The following FRK variants were observed in gnomAD, a reference collection of about 807,000 sequenced individuals.
FRK encodes tyrosine-protein kinase FRK.
A neutral mutation model predicts 56.4 loss-of-function variants in FRK; 51 were observed. That is an observed-to-expected ratio of 0.90 (90% CI 0.72 to 1.14). The LOEUF (loss-of-function observed/expected upper bound fraction) is 1.14, where lower values mean the gene tolerates loss of function less well. FRK is among the 50% of genes most tolerant of loss of function. FRK has a pLI of 0.00. For missense variants in FRK, 570 were observed against 601.4 expected (o/e 0.95, Z 0.55); for synonymous variants, 245 against 217.9 (o/e 1.12, Z -1.10).
chr6:116,007,801 T>C (rs896083131), intron 1 of FRK, among the ~76,000 whole-genome samples: 1 of 152,134 alleles, frequency 6.6e-6, no homozygotes, highest in African/African-American at 2.4e-5. Context: ...GGCAATTTAA[T>C]GGTTTCAATA....
Position 115,994,584 on chromosome 6 carries a change from T to C in FRK, c.466+9293A>G, listed in dbSNP as rs148478577. Among the ~76,000 whole-genome samples, 35 of 152,162 alleles carry C rather than the reference T, an allele frequency of 2.3e-4. No homozygotes were observed. The East Asian group carries it at 6.2e-3, about 27-fold the overall frequency. On this transcript the variant is annotated intron_variant, in intron 2 of 7. Transcript: ENST00000606080. The stretch of plus-strand genomic sequence containing the variant: ...ACTTTACTGGCATGGCCACTGACAA[T>C]AAGAAACAGAATTTAATACTTTGCA...
chr6:115,983,325 T>A (rs1222458536), intron 2 of FRK, among the ~76,000 whole-genome samples: 1 of 152,102 alleles, frequency 6.6e-6, no homozygotes, highest in Non-Finnish European at 1.5e-5. Context: ...TATCTCCCTC[T>A]ATTGTCAACC....
chr6:116,018,857 A>G (rs1358617230), intron 1 of FRK, among the ~76,000 whole-genome samples: 1 of 152,178 alleles, frequency 6.6e-6, no homozygotes, highest in Non-Finnish European at 1.5e-5. Flanking sequence ...GACCCAGGAA[A>G]GGATTTTAAA....
At chr6:115,951,273 A>G (rs902386282) in intron 5 of FRK, among the ~76,000 whole-genome samples, 2 of 152,198 alleles carry the variant, frequency 1.3e-5, no homozygotes, top group East Asian at 3.8e-4. Flanking sequence ...AAAGAAAAAA[A>G]GTATATACAT....
intron 2 of FRK, among the ~76,000 whole-genome samples, chr6:115,977,214 A>C (rs1466818967): frequency 6.6e-6 from 1 of 152,166 alleles, no homozygotes; most frequent in Non-Finnish European, 1.5e-5. Context: ...ACACATGCTA[A>C]TGTTACACTG....
chr6:115,949,945 T>G (rs765519014), intron 5 of FRK, among the ~76,000 whole-genome samples: 3 of 152,218 alleles, frequency 2.0e-5, no homozygotes, highest in Admixed American at 6.5e-5. Flanking sequence ...GATTCCCTAT[T>G]AAATAAATGT....
chr6:115,931,560 T>C lies in FRK; in HGVS notation c.*10854A>G, dbSNP rs1771958902. On this transcript the variant is annotated 3_prime_UTR_variant, in exon 8 of 8. Transcript: ENST00000606080. ...TGTTTTTAAGAGAAAAATCTCACTG[T>C]GGTAGCTTTAAAGTATACAAATCTG... 1.3e-5 allele frequency: 2 copies of C among 152,164 alleles called. No individual in the cohort carries two copies. Among genetic ancestry groups the C allele is most frequent in the South Asian group, 4.1e-4 (2 of 4,836 alleles). 9.4% of individuals were successfully genotyped at this position (152,164 alleles called of 1,614,324 possible). A position where few individuals can be genotyped will look rare whatever the true frequency, so the allele number is the denominator to read the frequency against.
chr6:115,940,035 A>T lies in FRK; in HGVS notation c.*2379T>A, dbSNP rs1472666834. The T allele has an allele frequency of 6.6e-6, 1 of 152,182 alleles. No homozygotes were observed. Among genetic ancestry groups the T allele is most frequent in the Non-Finnish European group, 1.5e-5 (1 of 68,020 alleles). 9.4% of individuals were successfully genotyped at this position (152,182 alleles called of 1,614,324 possible). A position where few individuals can be genotyped will look rare whatever the true frequency, so the allele number is the denominator to read the frequency against. On this transcript the variant is annotated 3_prime_UTR_variant, in exon 8 of 8. Transcript: ENST00000606080. ...CCGCATAGCCAAGACAATTCTAAGC[A>T]AAAAGAACAAAGTTATAGGCATCAT...
intron 4 of FRK, among the ~76,000 whole-genome samples, chr6:115,959,189 T>G (rs1414662448): frequency 2.0e-5 from 3 of 152,240 alleles, no homozygotes; most frequent in Non-Finnish European, 4.4e-5. Flanking sequence ...CAGCAATAAA[T>G]AGCCGCTCAT....
intron 5 of FRK, among the ~76,000 whole-genome samples, chr6:115,946,928 T>C (rs1772478991): frequency 6.6e-6 from 1 of 152,132 alleles, no homozygotes; most frequent in Non-Finnish European, 1.5e-5. Flanking sequence ...AAGAGCAGTT[T>C]GACTGGAGAT....
chr6:116,039,317 G>A (rs1776622533), intron 1 of FRK: 1 of 1,431,214 alleles, frequency 7.0e-7, no homozygotes, highest in East Asian at 2.3e-5. Context: ...GAGAAGTTCT[G>A]AGAATGGTGT....
At position 115,985,926 on chromosome 6, in the gene FRK, G is replaced by C. The variant is rs189133208; in HGVS notation, c.467-17187C>G. ...GCAAAATCATTATGATTAGAATGCTGAGTGCTTATATTATACATATATTTT... is the reference window on the plus strand; with the variant it reads ...GCAAAATCATTATGATTAGAATGCTCAGTGCTTATATTATACATATATTTT... On this transcript the variant is annotated intron_variant, in intron 2 of 7. Coordinates refer to ENST00000606080, the MANE Select transcript of FRK (RefSeq NM_002031.3). 3.3e-5 allele frequency among the ~76,000 whole-genome samples: 5 copies of C among 150,284 alleles called. 1 individual carries two copies. The East Asian group carries it at 9.9e-4, about 30-fold the overall frequency.
chr6:116,077,838 GT>G, the FRK span, among the ~76,000 whole-genome samples: 2 of 152,196 alleles, frequency 1.3e-5, no homozygotes, highest in Non-Finnish European at 2.9e-5. Context: ...GCAACTGGAT[GT>G]TGACATGTCT....
At chr6:116,077,691 A>G in the FRK span, among the ~76,000 whole-genome samples, 1 of 152,200 alleles carries the variant, frequency 6.6e-6, no homozygotes, top group Non-Finnish European at 1.5e-5. Flanking sequence ...TACTGGAGAA[A>G]GCTTGTGCTT....
At chr6:115,984,690 A>G (rs1774325728) in intron 2 of FRK, among the ~76,000 whole-genome samples, 1 of 151,602 alleles carries the variant, frequency 6.6e-6, no homozygotes, top group African/African-American at 2.4e-5. Flanking sequence ...TTTTTCCTGA[A>G]ATCTCAGTTG....
intron 4 of FRK, among the ~76,000 whole-genome samples, chr6:115,957,540 C>T (rs1229218982): frequency 6.6e-6 from 1 of 152,140 alleles, no homozygotes; most frequent in Non-Finnish European, 1.5e-5. Context: ...CTCAAAGAGA[C>T]TACTACATTC....
At chr6:115,970,324 C>A (rs993445665) in intron 2 of FRK, among the ~76,000 whole-genome samples, 1 of 152,142 alleles carries the variant, frequency 6.6e-6, no homozygotes, top group Non-Finnish European at 1.5e-5. Context: ...TAATTCCACT[C>A]CTAAGCATAA....
chr6:116,008,741 C>A (rs1287557327), intron 1 of FRK, among the ~76,000 whole-genome samples: 2 of 152,152 alleles, frequency 1.3e-5, no homozygotes, highest in African/African-American at 4.8e-5. Flanking sequence ...TCCACCACAG[C>A]CATTTTCAGC....
the FRK span, among the ~76,000 whole-genome samples, chr6:116,099,866 A>T: frequency 6.6e-6 from 1 of 152,230 alleles, no homozygotes; most frequent in Non-Finnish European, 1.5e-5. Flanking sequence ...AGCAGTGTAA[A>T]CATAATAGAT....
Sources: allele counts gnomAD v4.1 joint callset (sites outside exome capture counted in the v4.1 genomes callset), GRCh38; gene constraint gnomAD v4.1.1; transcripts MANE v1.5; gene names NCBI Gene and HGNC (gene_info 2026-07-23, HGNC 2026-07-21).